Variants in ARHGEF7 observed in about 807,000 individuals in gnomAD.
The protein encoded by ARHGEF7 is PAK-interacting exchange factor beta.
Under a neutral mutation model 109.8 loss-of-function variants are expected in ARHGEF7, and 33 were observed. The ratio of observed to expected loss-of-function variants is 0.30; its 90% CI spans 0.23 to 0.40. The LOEUF (loss-of-function observed/expected upper bound fraction) is 0.40, where lower values mean the gene tolerates loss of function less well. Among genes scored for constraint, ARHGEF7 ranks in the 10% least tolerant of loss-of-function variants. The pLI is 1.00. For missense variants in ARHGEF7, 938 were observed against 1,098.5 expected (o/e 0.85, Z 2.07); for synonymous variants, 458 against 424.6 (o/e 1.08, Z -0.97).
chr13:111,169,455 G>A (rs1250906946), intron 2 of ARHGEF7, among the ~76,000 whole-genome samples: 1 of 152,056 alleles, frequency 6.6e-6, no homozygotes, highest in Non-Finnish European at 1.5e-5. Context: ...GGAGTGGGGA[G>A]GTGCCACACA....
In ARHGEF7 at chr13:111,115,637, TG is replaced by T; in HGVS notation, c.115del (p.Val39TrpfsTer29). 1 of 1,386,004 alleles carries T rather than the reference TG, an allele frequency of 7.2e-7. No individual in the cohort carries two copies. The allele number at this position is 1,386,004 out of a possible 1,614,324, so 85.9% of individuals were successfully genotyped here. ...EGFLQASLKD[G>X]VVLCRLLERL... ...GCTTTCTGCAGGCGTCGCTGAAGGA[TG>T]GGGTGGTCCTCTGCAGGCTGCTGGA... is the stretch of plus-strand genomic sequence containing the variant. On this transcript the variant is annotated frameshift_variant, in exon 1 of 22. Transcript: ENST00000646102. LOFTEE classifies it high-confidence loss of function.
chr13:111,260,913 A>G (rs2091021400), intron 8 of ARHGEF7, among the ~76,000 whole-genome samples: 1 of 152,230 alleles, frequency 6.6e-6, no homozygotes, highest in Non-Finnish European at 1.5e-5. Context: ...TTACACAATC[A>G]ATGTTGTCAT....
At chr13:111,155,304 A>G (rs2076227349) in intron 2 of ARHGEF7, among the ~76,000 whole-genome samples, 1 of 152,250 alleles carries the variant, frequency 6.6e-6, no homozygotes, top group Non-Finnish European at 1.5e-5. Flanking sequence ...CGGAAAACCT[A>G]GAACATCAAA....
At chr13:111,225,152 A>C (rs1279583878) in intron 5 of ARHGEF7, among the ~76,000 whole-genome samples, 1 of 152,146 alleles carries the variant, frequency 6.6e-6, no homozygotes, top group African/African-American at 2.4e-5. Context: ...ATGATTACAC[A>C]TCTTCCGTTT....
intron 5 of ARHGEF7, 73 bp from the exon 6 acceptor site, chr13:111,233,132 G>T: frequency 8.0e-7 from 1 of 1,252,008 alleles, no homozygotes. Context: ...AGTATCCTTG[G>T]CCTGTGTGAG....
At chr13:111,130,181 G>T (rs916582156) in intron 1 of ARHGEF7, among the ~76,000 whole-genome samples, 2 of 152,150 alleles carry the variant, frequency 1.3e-5, no homozygotes, top group African/African-American at 4.8e-5. Context: ...GCTCGCTTGG[G>T]GACAATAGCT....
chr13:111,204,997 C>CCCCGA, intron 2 of ARHGEF7, among the ~76,000 whole-genome samples: 1 of 147,030 alleles, frequency 6.8e-6, no homozygotes, highest in East Asian at 2.0e-4. Context: ...GCAGCCCACC[C>CCCCGA]CCCCACCCCG....
chr13:111,258,435 G>A lies in ARHGEF7; in HGVS notation c.951-9113G>A, dbSNP rs1011770508. ...TCAGCCACAGCAGGATAGAGCATCA[G>A]GCAGAACCCTGAGGCTCCCGGACGA... On this transcript the variant is annotated intron_variant, in intron 8 of 21. Transcript: ENST00000646102. This position sits in a 1 kb window ranked among gnomAD's most constrained non-coding sequence, Gnocchi z 4.4. 1.3e-5 allele frequency among the ~76,000 whole-genome samples: 2 copies of A among 152,246 alleles called. No homozygotes were observed. The highest frequency in any genetic ancestry group is 1.3e-4 in the Admixed American group (2 of 15,288).
chr13:111,276,755 T>C (rs1234136892), intron 12 of ARHGEF7, among the ~76,000 whole-genome samples: 2 of 152,240 alleles, frequency 1.3e-5, no homozygotes, highest in Non-Finnish European at 1.5e-5. Flanking sequence ...TACGGAAGAC[T>C]CTTTTCTCAA....
chr13:111,118,454 C>T lies in ARHGEF7; in HGVS notation c.165+2763C>T, dbSNP rs115318564. On this transcript the variant is annotated intron_variant, in intron 1 of 21. Coordinates refer to ENST00000646102, the MANE Select transcript of ARHGEF7 (RefSeq NM_001354046.2). ...CATTATACTGGACAGATGTTTTCTGCTGTAGGGGAGAGGAAAATGGGATTA... is the reference window on the plus strand; with the variant it reads ...CATTATACTGGACAGATGTTTTCTGTTGTAGGGGAGAGGAAAATGGGATTA... Among the ~76,000 whole-genome samples, 1,001 of 152,276 alleles carry T rather than the reference C, an allele frequency of 6.6e-3. 5 individuals carry two copies. Among genetic ancestry groups the T allele is most frequent in the African/African-American group, 0.023 (958 of 41,548 alleles).
At chr13:111,224,793 C>T (rs1424887697) in intron 5 of ARHGEF7, among the ~76,000 whole-genome samples, 1 of 152,044 alleles carries the variant, frequency 6.6e-6, no homozygotes, top group Admixed American at 6.6e-5. Flanking sequence ...ACAAAAGTAC[C>T]CCAGAACCTT....
At chr13:111,221,492 CATATATATATCT>C (rs1177779635) in intron 5 of ARHGEF7, among the ~76,000 whole-genome samples, 1 of 41,192 alleles carries the variant, frequency 2.4e-5, no homozygotes. Flanking sequence ...TATATATAGA[CATATATATATCT>C]ATATATATAG....
At chr13:111,141,286 C>T (rs1354912616) in intron 1 of ARHGEF7, among the ~76,000 whole-genome samples, 1 of 152,040 alleles carries the variant, frequency 6.6e-6, no homozygotes, top group Non-Finnish European at 1.5e-5. Context: ...CCCTGAAGTC[C>T]CCTTTACTCC....
chr13:111,266,632 G>A lies in ARHGEF7; in HGVS notation c.951-916G>A, dbSNP rs1346455115. ...TAAAAGCACTTTGGAAGTGCTGTCC[G>A]AGAGTTGGGACTGGTTGACTCTTGT... On this transcript the variant is annotated intron_variant, in intron 8 of 21. Transcript: ENST00000646102. This position sits in a 1 kb window ranked among gnomAD's most constrained non-coding sequence, Gnocchi z 4.8. Among the ~76,000 whole-genome samples, 2 of 152,208 alleles carry A rather than the reference G, an allele frequency of 1.3e-5. No individual in the cohort carries two copies. The highest frequency in any genetic ancestry group is 2.1e-4 in the South Asian group (1 of 4,820).
chr13:111,221,381 A>ATATATATC (rs2084056891), intron 5 of ARHGEF7, among the ~76,000 whole-genome samples: 1 of 34,438 alleles, frequency 2.9e-5, no homozygotes, highest in Non-Finnish European at 6.1e-5. Context: ...ATATATCTAT[A>ATATATATC]TATATAGATG....
In ARHGEF7 at chr13:111,303,589, C is replaced by T. The variant is rs2093611534; in HGVS notation, c.*476C>T. ...CCGGAAGCAGAAGCCTGGTGGATGC[C>T]TGGTTCGTTCCGCAGCACCAGGGCC... On this transcript the variant is annotated 3_prime_UTR_variant, in exon 22 of 22. Transcript: ENST00000646102. 6.6e-6 allele frequency: 1 copy of T among 152,400 alleles called. No individual in the cohort carries two copies. Among genetic ancestry groups the T allele is most frequent in the African/African-American group, 2.4e-5 (1 of 41,442 alleles). The allele number at this position is 152,400 out of a possible 1,614,324, so 9.4% of individuals were successfully genotyped here. A position where few individuals can be genotyped will look rare whatever the true frequency, so the allele number is the denominator to read the frequency against.
intron 2 of ARHGEF7, among the ~76,000 whole-genome samples, chr13:111,176,265 A>C (rs536871971): frequency 6.6e-6 from 1 of 152,316 alleles, no homozygotes; most frequent in East Asian, 1.9e-4. Flanking sequence ...TTACCCATAG[A>C]AAATGCGACC....
At chr13:111,241,151 T>G in intron 6 of ARHGEF7, 1 of 1,533,388 alleles carries the variant, frequency 6.5e-7, no homozygotes, top group South Asian at 1.2e-5. Context: ...TGGCACTGGC[T>G]GAGCTCAGCT....
intron 5 of ARHGEF7, among the ~76,000 whole-genome samples, chr13:111,224,367 A>T (rs1002900972): frequency 1.3e-5 from 2 of 152,266 alleles, no homozygotes. Context: ...CACGGTTAGC[A>T]GCTGTGAGAA....
Sources: gnomAD v4.1 joint callset for allele counts (sites outside exome capture counted in the v4.1 genomes callset) on GRCh38, gnomAD v4.1.1 for gene constraint, Gnocchi (gnomAD v3.1) non-coding constraint, MANE v1.5 for transcripts, NCBI Gene and HGNC (gene_info 2026-07-23, HGNC 2026-07-21) for gene names.